The following NLGN1 variants were observed in gnomAD, a reference collection of about 807,000 sequenced individuals.
NLGN1 encodes neuroligin 1.
In NLGN1, 12 loss-of-function variants were observed where a neutral mutation model predicts 65.5. The ratio of observed to expected loss-of-function variants is 0.18; its 90% CI spans 0.12 to 0.30. The LOEUF (loss-of-function observed/expected upper bound fraction) is 0.30. Ranked by LOEUF, NLGN1 falls within the 10% of genes least tolerant of loss-of-function variation. The pLI, the probability that NLGN1 is intolerant of heterozygous loss-of-function variation, is 1.00. For synonymous variants in NLGN1, 350 were observed against 359.5 expected (o/e 0.97, Z 0.30); for missense variants, 750 against 1,007.1 (o/e 0.74, Z 3.46).
rs184507318 is a variant in NLGN1, at chr3:173,450,362, C to A, written c.-321+15284C>A. On this transcript the variant is annotated intron_variant, in intron 2 of 6. Coordinates refer to ENST00000457714, the Ensembl canonical transcript of NLGN1. ...GATATGAAATTCTGGGTTGAAAATT[C>A]TTTTCTTTAAGAACGTTGATATTGG... is the stretch of plus-strand genomic sequence containing the variant. Among the ~76,000 whole-genome samples, 525 of 152,262 alleles carry A rather than the reference C, an allele frequency of 3.4e-3. 5 individuals carry two copies. The Middle Eastern group carries it at 0.048, about 14-fold the overall frequency.
At chr3:173,752,837 T>A (rs926633323) in intron 3 of NLGN1, among the ~76,000 whole-genome samples, 1 of 152,054 alleles carries the variant, frequency 6.6e-6, no homozygotes, top group Admixed American at 6.6e-5. Flanking sequence ...CAACAGTTCT[T>A]CCCCAGTCCT....
At chr3:174,119,448 T>C (rs945992575) in intron 4 of NLGN1, among the ~76,000 whole-genome samples, 7 of 152,160 alleles carry the variant, frequency 4.6e-5, no homozygotes, top group Admixed American at 1.3e-4. Flanking sequence ...TATTTTTAAA[T>C]CCCCCTTGTC....
At chr3:174,006,147 T>G (rs1724338975) in intron 4 of NLGN1, among the ~76,000 whole-genome samples, 1 of 152,176 alleles carries the variant, frequency 6.6e-6, no homozygotes, top group African/African-American at 2.4e-5. Context: ...TAAATAGTTA[T>G]AAAGACCCTA....
chr3:173,575,578 T>A (rs950654404), intron 2 of NLGN1, among the ~76,000 whole-genome samples: 23 of 152,242 alleles, frequency 1.5e-4, no homozygotes, highest in African/African-American at 5.5e-4. Context: ...TGCTTTTCTC[T>A]TGGTCATTTG....
intron 4 of NLGN1, among the ~76,000 whole-genome samples, chr3:173,966,077 A>G (rs1330601153): frequency 1.3e-5 from 2 of 152,150 alleles, no homozygotes; most frequent in East Asian, 1.9e-4. Context: ...GAAAGATTTT[A>G]ACTTTGGTTA....
At position 173,751,365 on chromosome 3, in the gene NLGN1, C is replaced by T. The variant is rs558444640; in HGVS notation, c.494-56315C>T. 5.3e-5 allele frequency among the ~76,000 whole-genome samples: 8 copies of T among 152,068 alleles called. No homozygotes were observed. In the South Asian group the frequency reaches 1.2e-3, roughly 24 times the overall value. On this transcript the variant is annotated intron_variant, in intron 3 of 6. Transcript: ENST00000457714. ...TATTTAATATATAAAGATATATAGCCGTAACTTGTTGATTTAATCTAACAT... is the reference window on the plus strand; with the variant it reads ...TATTTAATATATAAAGATATATAGCTGTAACTTGTTGATTTAATCTAACAT...
rs11916592 is a variant in NLGN1 at position 173,900,514 on chromosome 3, T to C, written c.646+92682T>C. Among the ~76,000 whole-genome samples the C allele has an allele frequency of 7.0e-3, 1,071 of 152,196 alleles. 13 individuals are homozygous for C. The highest frequency in any genetic ancestry group is 0.024 in the African/African-American group (1,005 of 41,564). ...TTTTTCCATGAATCCCTTTAATTAC[T>C]TTTCTTATACAGTATTACTAAATAT... On this transcript the variant is annotated intron_variant, in intron 4 of 6. Transcript: ENST00000457714.
chr3:173,406,870 C>A (rs910917406), intron 1 of NLGN1, among the ~76,000 whole-genome samples: 3 of 152,008 alleles, frequency 2.0e-5, no homozygotes, highest in African/African-American at 7.2e-5. Context: ...CACCTACCTG[C>A]TTTGCTTAAA....
intron 3 of NLGN1, among the ~76,000 whole-genome samples, chr3:173,731,034 G>A (rs546693588): frequency 6.6e-6 from 1 of 152,176 alleles, no homozygotes; most frequent in South Asian, 2.1e-4. Flanking sequence ...GTCTCTTGGA[G>A]CGGCTCTGCA....
chr3:173,744,704 T>C (rs1775108028), intron 3 of NLGN1, among the ~76,000 whole-genome samples: 1 of 152,142 alleles, frequency 6.6e-6, no homozygotes, highest in South Asian at 2.1e-4. Context: ...AAAAATTTTG[T>C]AAATCATTAA....
intron 1 of NLGN1, among the ~76,000 whole-genome samples, chr3:173,404,328 T>C (rs1004285880): frequency 3.3e-5 from 5 of 152,194 alleles, no homozygotes; most frequent in Admixed American, 3.3e-4. Flanking sequence ...TTGGTGATCT[T>C]CTTGGCTTAC....
At chr3:173,571,580 A>G (rs1282311669) in intron 2 of NLGN1, among the ~76,000 whole-genome samples, 1 of 152,252 alleles carries the variant, frequency 6.6e-6, no homozygotes, top group Non-Finnish European at 1.5e-5. Context: ...TAAAAGAAAA[A>G]TAAATATTAA....
chr3:174,166,235 C>A (rs1727467963), intron 4 of NLGN1, among the ~76,000 whole-genome samples: 1 of 151,894 alleles, frequency 6.6e-6, no homozygotes, highest in Admixed American at 6.6e-5. Context: ...CTTCTGCTAG[C>A]TTTAGAGTTA....
chr3:173,663,256 T>C (rs1398834241), intron 3 of NLGN1, among the ~76,000 whole-genome samples: 1 of 152,008 alleles, frequency 6.6e-6, no homozygotes, highest in Non-Finnish European at 1.5e-5. Flanking sequence ...AAATGGAACA[T>C]TAAGTGCTTA....
chr3:173,452,720 A>G (rs1463065424), intron 2 of NLGN1, among the ~76,000 whole-genome samples: 1 of 152,230 alleles, frequency 6.6e-6, no homozygotes, highest in Admixed American at 6.5e-5. Flanking sequence ...GGAGAGAGAT[A>G]GATTACTTGA....
intron 4 of NLGN1, among the ~76,000 whole-genome samples, chr3:174,221,632 A>G (rs1005097849): frequency 8.6e-5 from 13 of 151,546 alleles, no homozygotes; most frequent in African/African-American, 2.7e-4. Context: ...ACTGGGGCAT[A>G]TGAGTTTCCT....
At chr3:173,869,946 A>G (rs1730869976) in intron 4 of NLGN1, among the ~76,000 whole-genome samples, 1 of 152,164 alleles carries the variant, frequency 6.6e-6, no homozygotes, top group African/African-American at 2.4e-5. Context: ...CACATTTGAA[A>G]GAAAGTCTTT....
intron 3 of NLGN1, among the ~76,000 whole-genome samples, chr3:173,624,997 T>G (rs905190284): frequency 6.6e-6 from 1 of 152,126 alleles, no homozygotes; most frequent in Non-Finnish European, 1.5e-5. Context: ...GTCAGACAGA[T>G]GTGGAGAATG....
intron 3 of NLGN1, among the ~76,000 whole-genome samples, chr3:173,803,988 A>C (rs1325846589): frequency 6.6e-6 from 1 of 152,206 alleles, no homozygotes; most frequent in Non-Finnish European, 1.5e-5. Flanking sequence ...ATAATTATTC[A>C]CTAAGATCAT....
Sources: gnomAD v4.1 joint callset for allele counts (sites outside exome capture counted in the v4.1 genomes callset) on GRCh38, gnomAD v4.1.1 for gene constraint, MANE v1.5 for transcripts, NCBI Gene and HGNC (gene_info 2026-07-23, HGNC 2026-07-21) for gene names.